The following MBD5 variants were observed in gnomAD, a reference collection of about 807,000 sequenced individuals.
The protein encoded by MBD5 is methyl-CpG-binding domain protein 5.
MBD5 carries 13 observed loss-of-function variants against 117.3 expected under a neutral mutation model. That is an observed-to-expected ratio of 0.11 (90% CI 0.07 to 0.18). MBD5 has a LOEUF of 0.18. MBD5 is among the 10% of genes least tolerant of loss of function. MBD5 has a pLI of 1.00. For missense variants in MBD5, 1,879 were observed against 2,093.8 expected, an observed-to-expected ratio of 0.90 and a Z score of 2.00; for synonymous variants, 727 against 766.4, an observed-to-expected ratio of 0.95 and a Z score of 0.85.
intron 1 of MBD5, among the ~76,000 whole-genome samples, chr2:148,136,524 G>A (rs569202815): frequency 8.0e-4 from 122 of 152,184 alleles, no homozygotes; most frequent in African/African-American, 2.9e-3. Flanking sequence ...CAAAGATTTC[G>A]AATCTCTTTC....
At chr2:148,369,137 A>G (rs761526894) in intron 4 of MBD5, among the ~76,000 whole-genome samples, 2 of 152,172 alleles carry the variant, frequency 1.3e-5, no homozygotes, top group Non-Finnish European at 2.9e-5. Context: ...AAAATTTTTA[A>G]CAAAATGACC....
In MBD5 at chr2:148,463,938, G is replaced by C. The variant is rs745795876; in HGVS notation, c.397+19G>C. ...GGAACAAGTATGTAATATGGTGAAA[G>C]GTTCAGGAATTCTCCTCTCCCTAGA... On this transcript the variant is annotated intron_variant, in intron 7 of 13. Transcript: ENST00000642680. 3 of 1,611,936 alleles carry C rather than the reference G, an allele frequency of 1.9e-6. No individual in the cohort carries two copies. The highest frequency in any genetic ancestry group is 2.5e-6 in the Non-Finnish European group (3 of 1,178,840).
At chr2:148,242,754 T>C (rs935412886) in intron 3 of MBD5, among the ~76,000 whole-genome samples, 2 of 152,208 alleles carry the variant, frequency 1.3e-5, no homozygotes, top group African/African-American at 4.8e-5. Flanking sequence ...AAGTGAGTGA[T>C]TTGTACCCTT....
At chr2:148,402,199 C>G (rs1704944583) in intron 4 of MBD5, among the ~76,000 whole-genome samples, 1 of 152,060 alleles carries the variant, frequency 6.6e-6, no homozygotes, top group Non-Finnish European at 1.5e-5. Context: ...CAGATATCCT[C>G]TTTATTCCTA....
chr2:148,267,952 C>CTTTTTTTTTTT (rs764230358), intron 3 of MBD5, among the ~76,000 whole-genome samples: 11 of 127,276 alleles, frequency 8.6e-5, no homozygotes, highest in Non-Finnish European at 1.7e-4. Context: ...TCTTTTTTTT[C>CTTTTTTTTTTT]TTTTTTTTTT....
At chr2:148,171,401 G>A (rs1698259118) in intron 1 of MBD5, among the ~76,000 whole-genome samples, 1 of 152,210 alleles carries the variant, frequency 6.6e-6, no homozygotes, top group South Asian at 2.1e-4. Context: ...TACGGATGAA[G>A]AAAAAATACT....
chr2:148,502,364 C>G, intron 11 of MBD5, 72 bp from the exon 12 acceptor site: 1 of 1,418,628 alleles, frequency 7.0e-7, no homozygotes, highest in Non-Finnish European at 9.9e-7. Flanking sequence ...GCTTGTACGG[C>G]AGGAAAGTAA....
At chr2:148,043,069 C>T (rs1029964566) in intron 1 of MBD5, among the ~76,000 whole-genome samples, 7 of 151,940 alleles carry the variant, frequency 4.6e-5, no homozygotes, top group Non-Finnish European at 8.8e-5. Flanking sequence ...CCACCTGTAT[C>T]GGAATCACCT....
intron 2 of MBD5, among the ~76,000 whole-genome samples, chr2:148,189,169 G>C (rs894267184): frequency 6.8e-6 from 1 of 147,124 alleles, no homozygotes; most frequent in South Asian, 2.2e-4. Flanking sequence ...AGGCGGCAAC[G>C]AGGCTGGGGG....
chr2:148,412,170 C>G (rs1315123774), intron 4 of MBD5, among the ~76,000 whole-genome samples: 6 of 151,878 alleles, frequency 4.0e-5, no homozygotes. Context: ...TGTAGGTGTG[C>G]AGCTTTACTT....
intron 1 of MBD5, chr2:148,062,492 CTG>C (rs1171267568): frequency 6.6e-6 from 1 of 150,580 alleles, no homozygotes; most frequent in African/African-American, 2.5e-5. Context: ...AAACACTTAA[CTG>C]TTTATATTCT....
chr2:148,144,005 C>T (rs555772756), intron 1 of MBD5, among the ~76,000 whole-genome samples: 56 of 152,254 alleles, frequency 3.7e-4, no homozygotes, highest in African/African-American at 1.2e-3. Context: ...ATTTCTAGTT[C>T]TAGATCCTTG....
In MBD5 at chr2:148,470,157, T is replaced by G. The variant is rs745609280; in HGVS notation, c.2214T>G (p.His738Gln). 2.5e-6 allele frequency: 4 copies of G among 1,613,812 alleles called. No homozygotes were observed. Among genetic ancestry groups the G allele is most frequent in the Non-Finnish European group, 3.4e-6 (4 of 1,179,914 alleles). Residue 738 changes from histidine (H) to glutamine (Q), a missense_variant, in exon 8 of 14, where the codon CAT becomes CAG. This residue lies in a region of MBD5 where 1,666 missense variants were observed against 1,792.2 expected (regional missense o/e 0.93). Coordinates refer to ENST00000642680, the MANE Select transcript of MBD5 (RefSeq NM_001378120.1). ...TALPCSANQL[H>Q]FTDPSMNSSV... ...TGCCTTGCTCTGCTAACCAGCTGCA[T>G]TTTACAGATCCCAGTATGAACTCTA... is the stretch of plus-strand genomic sequence containing the variant.
At chr2:148,280,147 A>AC (rs1559003246) in intron 3 of MBD5, among the ~76,000 whole-genome samples, 2 of 150,824 alleles carry the variant, frequency 1.3e-5, no homozygotes, top group Admixed American at 6.6e-5. Flanking sequence ...AAAAAAAAAA[A>AC]AAACAAAAAG....
intron 1 of MBD5, among the ~76,000 whole-genome samples, chr2:148,174,934 C>T (rs2105819929): frequency 1.3e-5 from 2 of 152,274 alleles, no homozygotes; most frequent in Middle Eastern, 6.8e-3. Context: ...ATCCAGCAAT[C>T]CCATTTCTGG....
At chr2:148,056,605 T>C (rs1573963021) in intron 1 of MBD5, among the ~76,000 whole-genome samples, 1 of 152,222 alleles carries the variant, frequency 6.6e-6, no homozygotes, top group East Asian at 1.9e-4. Flanking sequence ...CAGTGAATTA[T>C]ATTTATATGA....
intron 4 of MBD5, among the ~76,000 whole-genome samples, chr2:148,385,247 G>T (rs1321818264): frequency 1.3e-5 from 2 of 152,052 alleles, no homozygotes; most frequent in Non-Finnish European, 2.9e-5. Flanking sequence ...AATCTACAAT[G>T]AACTCAAACA....
At chr2:148,485,707 A>T (rs1681316017) in intron 9 of MBD5, 35 bp from the exon 10 acceptor site, 2 of 1,481,786 alleles carry the variant, frequency 1.3e-6, no homozygotes, top group South Asian at 1.2e-5. Context: ...CCGAAGAATC[A>T]CATTTATTTA....
At chr2:148,220,746 ACAAT>A (rs1292424256) in intron 2 of MBD5, among the ~76,000 whole-genome samples, 4 of 152,148 alleles carry the variant, frequency 2.6e-5, no homozygotes, top group African/African-American at 9.6e-5. Flanking sequence ...CTTTTCTGTT[ACAAT>A]CAAATTATAC....
Sources: allele counts gnomAD v4.1 joint callset (sites outside exome capture counted in the v4.1 genomes callset), GRCh38; gene constraint gnomAD v4.1.1; regional missense constraint gnomAD v4.1.1; transcripts MANE v1.5; gene names NCBI Gene and HGNC (gene_info 2026-07-23, HGNC 2026-07-21).